CACNA2D1: variants seen among roughly 807,000 people sequenced by gnomAD.
CACNA2D1 encodes voltage-dependent calcium channel subunit alpha-2/delta-1.
In CACNA2D1, 53 loss-of-function variants were observed where a neutral mutation model predicts 171.5. That is an observed-to-expected ratio of 0.31 (90% CI 0.25 to 0.39). CACNA2D1 has a LOEUF of 0.39. Among genes scored for constraint, CACNA2D1 ranks in the 10% least tolerant of loss-of-function variants. The pLI is 1.00. For synonymous variants in CACNA2D1, 442 were observed against 443.1 expected, an observed-to-expected ratio of 1.00 and a Z score of 0.03; for missense variants, 903 against 1,299.8, an observed-to-expected ratio of 0.69 and a Z score of 4.69.
At chr7:82,204,145 C>T (rs1799773202) in intron 3 of CACNA2D1, among the ~76,000 whole-genome samples, 1 of 152,204 alleles carries the variant, frequency 6.6e-6, no homozygotes, top group African/African-American at 2.4e-5. Flanking sequence ...GCCTGGACTG[C>T]TGTTGCACTC....
intron 3 of CACNA2D1, among the ~76,000 whole-genome samples, chr7:82,202,996 T>C (rs1246053699): frequency 4.6e-5 from 7 of 152,142 alleles, no homozygotes; most frequent in Non-Finnish European, 8.8e-5. Context: ...AGAGCAGCAC[T>C]TCCAGAAAAT....
intron 1 of CACNA2D1, among the ~76,000 whole-genome samples, chr7:82,411,139 T>G (rs938232360): frequency 3.3e-5 from 5 of 152,194 alleles, no homozygotes; most frequent in African/African-American, 9.7e-5. Flanking sequence ...AGTATGAACT[T>G]GTTAGCAACA....
chr7:82,090,557 T>C (rs780155918), intron 6 of CACNA2D1, among the ~76,000 whole-genome samples: 1 of 152,072 alleles, frequency 6.6e-6, no homozygotes, highest in Non-Finnish European at 1.5e-5. Flanking sequence ...AATAGTTTAG[T>C]ACTATTTTAT....
At chr7:81,989,072 G>C (rs1340972868) in intron 21 of CACNA2D1, among the ~76,000 whole-genome samples, 1 of 152,136 alleles carries the variant, frequency 6.6e-6, no homozygotes, top group Non-Finnish European at 1.5e-5. Flanking sequence ...GAGGGAATGA[G>C]CATGTGACTG....
intron 18 of CACNA2D1, chr7:82,001,552 G>A (rs1798601076): frequency 3.1e-6 from 1 of 322,846 alleles, no homozygotes; most frequent in African/African-American, 2.2e-5. Flanking sequence ...GAAGCTTGAT[G>A]TCAGGAAAGG....
chr7:82,233,809 T>A (rs889205086), intron 3 of CACNA2D1, among the ~76,000 whole-genome samples: 1 of 152,142 alleles, frequency 6.6e-6, no homozygotes. Flanking sequence ...GTTTTCATAT[T>A]TTAAGTCAAA....
intron 3 of CACNA2D1, among the ~76,000 whole-genome samples, chr7:82,220,747 T>G (rs951124925): frequency 6.6e-6 from 1 of 151,452 alleles, no homozygotes; most frequent in Non-Finnish European, 1.5e-5. Context: ...ACAATAAAAC[T>G]CGAGAAACAG....
intron 3 of CACNA2D1, among the ~76,000 whole-genome samples, chr7:82,195,597 T>C (rs1798766606): frequency 6.6e-6 from 1 of 151,860 alleles, no homozygotes; most frequent in South Asian, 2.1e-4. Flanking sequence ...TGAAATCTCC[T>C]GTCTCTAACC....
chr7:82,036,575 C>T (rs981131940), intron 11 of CACNA2D1, among the ~76,000 whole-genome samples: 9 of 152,144 alleles, frequency 5.9e-5, no homozygotes, highest in Non-Finnish European at 4.4e-5. Flanking sequence ...CCAGGGAACA[C>T]GCTAAATATC....
intron 1 of CACNA2D1, among the ~76,000 whole-genome samples, chr7:82,373,745 A>G (rs780909977): frequency 2.2e-4 from 33 of 152,200 alleles, no homozygotes; most frequent in African/African-American, 8.0e-4. Flanking sequence ...TCTGTTACAA[A>G]TATTTTCCTA....
At chr7:82,310,676 T>C (rs1240128103) in intron 3 of CACNA2D1, among the ~76,000 whole-genome samples, 2 of 152,202 alleles carry the variant, frequency 1.3e-5, no homozygotes, top group South Asian at 2.1e-4. Flanking sequence ...GAGAAACAGA[T>C]TCTGTGTGAC....
intron 3 of CACNA2D1, among the ~76,000 whole-genome samples, chr7:82,329,660 T>C (rs1044991540): frequency 6.6e-6 from 1 of 152,178 alleles, no homozygotes; most frequent in Non-Finnish European, 1.5e-5. Context: ...TGATTATATC[T>C]TTTTTGCTTC....
At chr7:82,407,271 G>C (rs912563519) in intron 1 of CACNA2D1, among the ~76,000 whole-genome samples, 2 of 152,192 alleles carry the variant, frequency 1.3e-5, no homozygotes, top group Non-Finnish European at 2.9e-5. Context: ...AGTAGAAAAT[G>C]AATTTGACAA....
chr7:81,960,781 G>A (rs1273827519), intron 36 of CACNA2D1, among the ~76,000 whole-genome samples: 4 of 152,008 alleles, frequency 2.6e-5, no homozygotes, highest in Non-Finnish European at 5.9e-5. Flanking sequence ...GCCAATGTCT[G>A]TGAAACTCTG....
intron 1 of CACNA2D1, among the ~76,000 whole-genome samples, chr7:82,370,835 T>C (rs1044409352): frequency 3.3e-5 from 5 of 152,136 alleles, no homozygotes; most frequent in Admixed American, 6.5e-5. Context: ...GGTACATTAA[T>C]TGCATGAAAT....
chr7:82,138,284 T>C (rs1029461835), intron 4 of CACNA2D1, among the ~76,000 whole-genome samples: 1 of 152,110 alleles, frequency 6.6e-6, no homozygotes, highest in Non-Finnish European at 1.5e-5. Flanking sequence ...TGAATCATAA[T>C]AGAGACTGAA....
At chr7:82,010,484 C>T (rs1050472507) in intron 15 of CACNA2D1, among the ~76,000 whole-genome samples, 4 of 151,822 alleles carry the variant, frequency 2.6e-5, no homozygotes, top group Non-Finnish European at 5.9e-5. Flanking sequence ...ACCAGCAATG[C>T]AGACATGCTG....
intron 3 of CACNA2D1, among the ~76,000 whole-genome samples, chr7:82,185,188 A>C: frequency 6.6e-6 from 1 of 152,116 alleles, no homozygotes. Context: ...TAACCAATTA[A>C]GCATTTGAAA....
At chr7:82,017,556 T>A (rs1334211667) in intron 12 of CACNA2D1, among the ~76,000 whole-genome samples, 2 of 152,070 alleles carry the variant, frequency 1.3e-5, no homozygotes, top group Non-Finnish European at 2.9e-5. Context: ...GTCAATGAAC[T>A]AAATTCCAGA....
Sources: allele counts gnomAD v4.1 joint callset (sites outside exome capture counted in the v4.1 genomes callset), GRCh38; gene constraint gnomAD v4.1.1; transcripts MANE v1.5; gene names NCBI Gene and HGNC (gene_info 2026-07-23, HGNC 2026-07-21).